The following ENTHD1 variants were observed in gnomAD, a reference collection of about 807,000 sequenced individuals.
ENTHD1 encodes the protein ENTH domain-containing protein 1.
A neutral mutation model predicts 39.1 loss-of-function variants in ENTHD1; 23 were observed. That is an observed-to-expected ratio of 0.59 (90% CI 0.42 to 0.83). The LOEUF (loss-of-function observed/expected upper bound fraction) is 0.83. Ranked by LOEUF, ENTHD1 falls within the 40% of genes least tolerant of loss-of-function variation. The pLI is 0.00. For missense variants in ENTHD1, 624 were observed against 705.4 expected, an observed-to-expected ratio of 0.88 and a Z score of 1.31; for synonymous variants, 230 against 258.2, an observed-to-expected ratio of 0.89 and a Z score of 1.05.
At chr22:39,840,472 C>T (rs530141589) in intron 3 of ENTHD1, among the ~76,000 whole-genome samples, 3 of 152,166 alleles carry the variant, frequency 2.0e-5, no homozygotes, top group Non-Finnish European at 2.9e-5. Flanking sequence ...GGAAATGCAA[C>T]GCTCCATAAG....
chr22:39,836,047 T>C (rs1413573835), intron 3 of ENTHD1, 89 bp from the exon 4 acceptor site: 2 of 892,644 alleles, frequency 2.2e-6, no homozygotes, highest in Non-Finnish European at 3.4e-6. Context: ...TAATCACTTC[T>C]GAAGATACCT....
chr22:39,803,765 A>G (rs933250173), intron 5 of ENTHD1, among the ~76,000 whole-genome samples: 3 of 152,220 alleles, frequency 2.0e-5, no homozygotes, highest in African/African-American at 7.2e-5. Flanking sequence ...CTATATTGCC[A>G]ATCAATAAAT....
At chr22:39,804,044 G>T (rs1402998342) in intron 5 of ENTHD1, among the ~76,000 whole-genome samples, 1 of 151,690 alleles carries the variant, frequency 6.6e-6, no homozygotes, top group African/African-American at 2.4e-5. Flanking sequence ...TGTATCTGTT[G>T]TCCCAGCTAC....
At chr22:39,849,296 GC>G (rs1412947319) in intron 3 of ENTHD1, among the ~76,000 whole-genome samples, 1 of 152,114 alleles carries the variant, frequency 6.6e-6, no homozygotes, top group Non-Finnish European at 1.5e-5. Context: ...GAACAATTTG[GC>G]CCCCAGGGGA....
Position 39,765,371 on chromosome 22 carries a change from A to G in ENTHD1, c.1071T>C (p.His357=), listed in dbSNP as rs763297624. 5 of 1,613,942 alleles carry G rather than the reference A, an allele frequency of 3.1e-6. No homozygotes were observed. Among genetic ancestry groups the G allele is most frequent in the Non-Finnish European group, 4.2e-6 (5 of 1,179,996 alleles). ...LRVSKSDSTF[H]NQASVETLCL... ...AGAGTGTTTCTACAGAGGCCTGGTT[A>G]TGGAAAGTAGAATCTGACTTTGATA... is the stretch of plus-strand genomic sequence containing the variant. Residue 357 remains histidine (H), a synonymous_variant, in exon 6 of 7, where the codon CAT becomes CAC. Coordinates refer to ENST00000325157, the MANE Select transcript of ENTHD1 (RefSeq NM_152512.4).
intron 3 of ENTHD1, among the ~76,000 whole-genome samples, chr22:39,856,131 G>A (rs184094746): frequency 3.0e-4 from 45 of 152,138 alleles, no homozygotes; most frequent in South Asian, 8.3e-4. Flanking sequence ...AAAATTAGCC[G>A]GGTATGGTGG....
chr22:39,821,778 G>T (rs2065784936), intron 4 of ENTHD1, among the ~76,000 whole-genome samples: 1 of 152,208 alleles, frequency 6.6e-6, no homozygotes, highest in Non-Finnish European at 1.5e-5. Flanking sequence ...GGTGCTGGCA[G>T]ATCTGATGTC....
intron 5 of ENTHD1, among the ~76,000 whole-genome samples, chr22:39,811,836 G>A (rs1160959856): frequency 2.6e-5 from 4 of 151,978 alleles, no homozygotes; most frequent in Admixed American, 6.5e-5. Flanking sequence ...AAAATTAGCC[G>A]GGTGTGGTGG....
At chr22:39,834,601 C>CT (rs1291414541) in intron 4 of ENTHD1, among the ~76,000 whole-genome samples, 1 of 152,138 alleles carries the variant, frequency 6.6e-6, no homozygotes, top group Non-Finnish European at 1.5e-5. Flanking sequence ...TTGGCACACA[C>CT]TTACCGTACA....
Position 39,890,509 on chromosome 22 carries a change from T to C in ENTHD1, c.-155-2606A>G, listed in dbSNP as rs796083269. ...AAGCCCTGTTAGAATCATAACTTGCTGGAATTGAACAACAAATGTTAATTT... is the reference window on the plus strand; with the variant it reads ...AAGCCCTGTTAGAATCATAACTTGCCGGAATTGAACAACAAATGTTAATTT... On this transcript the variant is annotated intron_variant, in intron 1 of 6. Coordinates refer to ENST00000325157, the MANE Select transcript of ENTHD1 (RefSeq NM_152512.4). Among the ~76,000 whole-genome samples the C allele has an allele frequency of 5.9e-5, 9 of 152,356 alleles. No individual in the cohort carries two copies. In the South Asian group the frequency reaches 1.0e-3, roughly 18 times the overall value.
chr22:39,808,382 A>G lies in ENTHD1; in HGVS notation c.832+12611T>C, dbSNP rs58454655. ...GCATAAAGGCAGGAACTTGTTCACC[A>G]TTGACTACCTAGCAGTTAGCACAGT... On this transcript the variant is annotated intron_variant, in intron 5 of 6. Transcript: ENST00000325157. Among the ~76,000 whole-genome samples the G allele has an allele frequency of 6.6e-5, 10 of 152,346 alleles. No homozygotes were observed. The East Asian group carries it at 1.9e-3, about 29-fold the overall frequency.
intron 4 of ENTHD1, among the ~76,000 whole-genome samples, chr22:39,823,186 TATTTC>T (rs1005680262): frequency 6.6e-6 from 1 of 152,182 alleles, no homozygotes; most frequent in Non-Finnish European, 1.5e-5. Context: ...TCATCCAAAT[TATTTC>T]ATTTCAAGTT....
intron 6 of ENTHD1, among the ~76,000 whole-genome samples, chr22:39,764,908 A>T (rs1196105123): frequency 1.3e-5 from 2 of 152,018 alleles, no homozygotes; most frequent in African/African-American, 2.4e-5. Flanking sequence ...AGTAACCTAC[A>T]TGTCTAACAG....
rs894346692 is a variant in ENTHD1 at position 39,816,942 on chromosome 22, C to A, written c.832+4051G>T. Among the ~76,000 whole-genome samples the A allele has an allele frequency of 3.3e-5, 5 of 150,162 alleles. No individual in the cohort carries two copies. The East Asian group carries it at 9.7e-4, about 29-fold the overall frequency. On this transcript the variant is annotated intron_variant, in intron 5 of 6. Coordinates refer to ENST00000325157, the MANE Select transcript of ENTHD1 (RefSeq NM_152512.4). ...ATAGAAATATATCTGATATATATCT[C>A]TATATATATAGCTATAAAATCAATT...
intron 5 of ENTHD1, among the ~76,000 whole-genome samples, chr22:39,792,500 A>T (rs1028250160): frequency 9.9e-5 from 15 of 151,718 alleles, no homozygotes; most frequent in African/African-American, 3.6e-4. Context: ...GTTTTTAATT[A>T]TCTTAAGCCT....
chr22:39,892,878 T>C (rs1201228252), intron 1 of ENTHD1, among the ~76,000 whole-genome samples: 1 of 152,220 alleles, frequency 6.6e-6, no homozygotes, highest in Non-Finnish European at 1.5e-5. Context: ...TAGGAGGTGT[T>C]ACTGTTTTGA....
chr22:39,866,545 TA>T (rs1227317433), intron 2 of ENTHD1, among the ~76,000 whole-genome samples: 1 of 152,204 alleles, frequency 6.6e-6, no homozygotes, highest in Non-Finnish European at 1.5e-5. Context: ...TCTTGAATAG[TA>T]AGAAGCAGCC....
chr22:39,770,399 C>T (rs986887057), intron 5 of ENTHD1, among the ~76,000 whole-genome samples: 3 of 152,098 alleles, frequency 2.0e-5, no homozygotes, highest in African/African-American at 4.8e-5. Flanking sequence ...TGCGTTCTTG[C>T]CAGTTTGCAT....
chr22:39,844,668 G>A (rs1379124392), intron 3 of ENTHD1, among the ~76,000 whole-genome samples: 2 of 152,086 alleles, frequency 1.3e-5, no homozygotes, highest in Non-Finnish European at 2.9e-5. Context: ...AAAGAAACAA[G>A]ATCTAGGACA....
Sources: allele counts gnomAD v4.1 joint callset (sites outside exome capture counted in the v4.1 genomes callset), GRCh38; gene constraint gnomAD v4.1.1; transcripts MANE v1.5; gene names NCBI Gene and HGNC (gene_info 2026-07-23, HGNC 2026-07-21).